The following CBLB variants were observed in gnomAD, a reference collection of about 807,000 sequenced individuals.
The protein encoded by CBLB is E3 ubiquitin-protein ligase CBL-B.
CBLB carries 31 observed loss-of-function variants against 104.9 expected under a neutral mutation model. The observed-to-expected ratio is 0.30, with a 90% CI of 0.22 to 0.40. The LOEUF (loss-of-function observed/expected upper bound fraction) is 0.40, where lower values mean the gene tolerates loss of function less well. Among genes scored for constraint, CBLB ranks in the 10% least tolerant of loss-of-function variants. The probability of loss-of-function intolerance (pLI) is 1.00; values close to 1 mark genes in which losing one functional copy is unlikely to be tolerated. For missense variants in CBLB, 1,062 were observed against 1,214.6 expected (o/e 0.87, Z 1.87); for synonymous variants, 440 against 422.6 (o/e 1.04, Z -0.51).
chr3:105,838,573 A>C (rs542957660), intron 3 of CBLB, among the ~76,000 whole-genome samples: 5 of 152,120 alleles, frequency 3.3e-5, no homozygotes, highest in African/African-American at 1.2e-4. Flanking sequence ...AATTCCAAGG[A>C]TAGTGATTAG....
At chr3:105,794,674 GC>G (rs768004750) in intron 3 of CBLB, among the ~76,000 whole-genome samples, 2 of 152,062 alleles carry the variant, frequency 1.3e-5, no homozygotes, top group Non-Finnish European at 2.9e-5. Flanking sequence ...ATACAAGTAG[GC>G]AAGACGTTCT....
At chr3:105,729,841 G>A (rs1274664198) in intron 9 of CBLB, among the ~76,000 whole-genome samples, 1 of 151,954 alleles carries the variant, frequency 6.6e-6, no homozygotes, top group African/African-American at 2.4e-5. Context: ...AATACCAGAG[G>A]CATTTTGCAA....
Position 105,681,541 on chromosome 3 carries a change from G to A in CBLB, c.2366C>T (p.Pro789Leu). 1 of 1,613,922 alleles carries A rather than the reference G, an allele frequency of 6.2e-7. No individual in the cohort carries two copies. Reference protein sequence around the residue: ...PPARPPTRDNPKHGSSLNRTP... With the variant: ...PPARPPTRDNLKHGSSLNRTP... Reference sequence around the variant, plus strand: ...CCTGTTGAGTGAAGAACCATGCTTTGGATTGTCCCGAGTTGGAGGCCTGGC... The same window carrying A: ...CCTGTTGAGTGAAGAACCATGCTTTAGATTGTCCCGAGTTGGAGGCCTGGC... Residue 789 changes from proline to leucine, a missense_variant, in exon 16 of 19, where the codon CCA becomes CTA. Pro to Leu is a moderately conservative substitution (Grantham distance 98). Around this residue, in one of 2 missense-constraint regions of CBLB, gnomAD observed 605 missense variants for 582.6 expected, o/e 1.04. Transcript: ENST00000394030.
chr3:105,771,983 C>A (rs182506526), intron 4 of CBLB, among the ~76,000 whole-genome samples: 1 of 152,130 alleles, frequency 6.6e-6, no homozygotes, highest in African/African-American at 2.4e-5. Flanking sequence ...CAATTCCCAT[C>A]AAAATACCAT....
rs115588184 is a variant in CBLB at position 105,823,844 on chromosome 3, A to G, written c.419+29570T>C. Among the ~76,000 whole-genome samples the G allele has an allele frequency of 7.0e-3, 1,073 of 152,204 alleles. 11 individuals are homozygous for G. The highest frequency in any genetic ancestry group is 0.025 in the African/African-American group (1,029 of 41,542). On this transcript the variant is annotated intron_variant, in intron 3 of 18. Coordinates refer to ENST00000394030, the MANE Select transcript of CBLB (RefSeq NM_170662.5). The stretch of plus-strand genomic sequence containing the variant: ...CCATACCAGGGTACAAAGCACCTAC[A>G]TGGTTCTCTTGAGCTTCCATTCTTA...
chr3:105,803,138 A>G (rs2083091989), intron 3 of CBLB, among the ~76,000 whole-genome samples: 1 of 152,222 alleles, frequency 6.6e-6, no homozygotes, highest in African/African-American at 2.4e-5. Context: ...ATATTCACTG[A>G]GCAAGCAATT....
At chr3:105,806,528 C>G (rs1270353440) in intron 3 of CBLB, among the ~76,000 whole-genome samples, 2 of 147,674 alleles carry the variant, frequency 1.4e-5, no homozygotes, top group Non-Finnish European at 3.0e-5. Context: ...TCTGTTACAG[C>G]AAGTGGATAT....
intron 17 of CBLB, among the ~76,000 whole-genome samples, chr3:105,674,590 TAC>T (rs1271346836): frequency 1.3e-5 from 2 of 152,212 alleles, no homozygotes; most frequent in South Asian, 2.1e-4. Flanking sequence ...AGGACTTAAA[TAC>T]AGTCTTTGCT....
Position 105,702,122 on chromosome 3 carries a change from C to G in CBLB, c.1931G>C (p.Arg644Pro), listed in dbSNP as rs138175657. Reference protein sequence around the residue: ...SDPVLMRKHRRHDLPLEGAKV... With the variant: ...SDPVLMRKHRPHDLPLEGAKV... ...AGCTCCTTCTAAAGGCAAATCATGGCGTCTGTGTTTCCGCATAAGCACTGG... is the reference window on the plus strand; with the variant it reads ...AGCTCCTTCTAAAGGCAAATCATGGGGTCTGTGTTTCCGCATAAGCACTGG... Residue 644 changes from arginine (R) to proline (P), a missense_variant, in exon 12 of 19, where the codon CGC (arginine) becomes CCC (proline). Around this residue, in one of 2 missense-constraint regions of CBLB, gnomAD observed 605 missense variants for 582.6 expected, o/e 1.04. Transcript: ENST00000394030. 5.0e-6 allele frequency: 8 copies of G among 1,613,998 alleles called. No homozygotes were observed. The highest frequency in any genetic ancestry group is 6.8e-6 in the Non-Finnish European group (8 of 1,180,022).
intron 2 of CBLB, among the ~76,000 whole-genome samples, chr3:105,857,203 G>A (rs564328916): frequency 1.2e-4 from 18 of 152,080 alleles, no homozygotes; most frequent in East Asian, 1.9e-4. Flanking sequence ...TGACAGAAAC[G>A]TTTATGTTTT....
intron 3 of CBLB, among the ~76,000 whole-genome samples, chr3:105,782,593 T>C (rs59590074): frequency 2.7e-5 from 4 of 147,078 alleles, no homozygotes; most frequent in African/African-American, 7.9e-5. Context: ...TTTTTTTTTT[T>C]TTTTTTTTTT....
At chr3:105,828,856 G>C (rs1334987367) in intron 3 of CBLB, among the ~76,000 whole-genome samples, 2 of 152,174 alleles carry the variant, frequency 1.3e-5, no homozygotes, top group African/African-American at 4.8e-5. Flanking sequence ...GTCAAAGGAA[G>C]TTTTATACAA....
intron 8 of CBLB, 59 bp from the exon 9 acceptor site, chr3:105,734,199 G>A (rs906985392): frequency 6.4e-7 from 1 of 1,561,256 alleles, no homozygotes; most frequent in African/African-American, 1.4e-5. Context: ...CAAATTGTTA[G>A]TATCAAATTT....
At chr3:105,804,292 G>A (rs1221420786) in intron 3 of CBLB, among the ~76,000 whole-genome samples, 1 of 150,710 alleles carries the variant, frequency 6.6e-6, no homozygotes, top group African/African-American at 2.5e-5. Flanking sequence ...AGGCTGAGGC[G>A]GGTGGATCAC....
intron 18 of CBLB, among the ~76,000 whole-genome samples, chr3:105,663,902 T>C (rs2064079706): frequency 1.8e-4 from 3 of 16,878 alleles, no homozygotes; most frequent in Admixed American, 1.7e-3. Flanking sequence ...AGAAAGCTTA[T>C]TAGGAAAAAA....
intron 3 of CBLB, among the ~76,000 whole-genome samples, chr3:105,834,634 C>T (rs959878306): frequency 6.8e-6 from 1 of 147,548 alleles, no homozygotes; most frequent in Non-Finnish European, 1.5e-5. Flanking sequence ...CCAGCCTGAG[C>T]GACAGAGCAA....
upstream of CBLB, chr3:105,869,056 G>A (rs1031310004): frequency 9.3e-7 from 1 of 1,081,030 alleles, no homozygotes; most frequent in Non-Finnish European, 1.1e-6. Flanking sequence ...TCGGGGCGGG[G>A]CGGGGCGGGG....
chr3:105,735,152 T>A (rs776500302), intron 8 of CBLB, among the ~76,000 whole-genome samples: 1 of 152,170 alleles, frequency 6.6e-6, no homozygotes, highest in Non-Finnish European at 1.5e-5. Context: ...TAAAATATAT[T>A]ATAATCCTGG....
chr3:105,677,148 T>C (rs1165957029), intron 17 of CBLB, among the ~76,000 whole-genome samples: 1 of 152,034 alleles, frequency 6.6e-6, no homozygotes, highest in African/African-American at 2.4e-5. Flanking sequence ...AGTAAACTCA[T>C]AAGGTTCCAC....
Sources: allele counts gnomAD v4.1 joint callset (sites outside exome capture counted in the v4.1 genomes callset), GRCh38; gene constraint gnomAD v4.1.1; regional missense constraint gnomAD v4.1.1; transcripts MANE v1.5; gene names NCBI Gene and HGNC (gene_info 2026-07-23, HGNC 2026-07-21).